GRXCR2: variants seen among roughly 807,000 people sequenced by gnomAD.
GRXCR2 encodes glutaredoxin and cysteine rich domain containing 2.
In GRXCR2, 23 loss-of-function variants were observed where a neutral mutation model predicts 24.8. That is an observed-to-expected ratio of 0.93 (90% CI 0.67 to 1.32). The LOEUF is 1.32. Ranked by LOEUF, GRXCR2 falls within the 40% of genes most tolerant of loss-of-function variation. GRXCR2 has a pLI of 0.00. For synonymous variants in GRXCR2, 130 were observed against 116.1 expected, an observed-to-expected ratio of 1.12 and a Z score of -0.77; for missense variants, 315 against 303.4, an observed-to-expected ratio of 1.04 and a Z score of -0.28.
At chr5:145,867,311 C>T (rs566189942) in intron 1 of GRXCR2, among the ~76,000 whole-genome samples, 12 of 152,100 alleles carry the variant, frequency 7.9e-5, no homozygotes, top group Non-Finnish European at 1.3e-4. Flanking sequence ...CAGAGTTACT[C>T]GGGCACTGTA....
chr5:145,871,027 T>C (rs1756522185), intron 1 of GRXCR2, among the ~76,000 whole-genome samples: 1 of 151,962 alleles, frequency 6.6e-6, no homozygotes, highest in Non-Finnish European at 1.5e-5. Context: ...GTTATGATCA[T>C]ACCACTGCAC....
rs370818249 is a variant in GRXCR2, at chr5:145,859,682, G to T, written c.*51C>A. The T allele has an allele frequency of 1.3e-6, 2 of 1,578,608 alleles. No individual in the cohort carries two copies. Among genetic ancestry groups the T allele is most frequent in the South Asian group, 2.2e-5 (2 of 90,128 alleles). On this transcript the variant is annotated 3_prime_UTR_variant, in exon 3 of 3. Transcript: ENST00000377976. ...AGGAGGAGAAGGGGGCGGTTTATTA[G>T]AAATAACTTTAGGGAGGGTAAGATA...
chr5:145,858,379 A>G (rs2149906840), downstream of GRXCR2: 1 of 151,748 alleles, frequency 6.6e-6, no homozygotes, highest in African/African-American at 2.4e-5. Context: ...TATTCTGAAA[A>G]GTCAGAAGAG....
At chr5:145,909,395 C>CTGTT (rs1408711408) in intron 2 of GRXCR2, among the ~76,000 whole-genome samples, 1 of 59,590 alleles carries the variant, frequency 1.7e-5, no homozygotes, top group African/African-American at 1.4e-4. Context: ...TCTGCTCATT[C>CTGTT]TGTTTCTCAG....
chr5:145,917,617 C>A (rs1757260065), intron 2 of GRXCR2, among the ~76,000 whole-genome samples: 1 of 152,048 alleles, frequency 6.6e-6, no homozygotes, highest in Non-Finnish European at 1.5e-5. Flanking sequence ...AGGTGTGGAG[C>A]AGGGAGCAGC....
At chr5:145,861,159 A>G (rs1450519067) in intron 2 of GRXCR2, among the ~76,000 whole-genome samples, 1 of 152,054 alleles carries the variant, frequency 6.6e-6, no homozygotes, top group African/African-American at 2.4e-5. Flanking sequence ...CCAATTGCCC[A>G]CTGACTCTGG....
intron 2 of GRXCR2, among the ~76,000 whole-genome samples, chr5:145,891,688 G>C (rs1312192208): frequency 6.6e-6 from 1 of 152,192 alleles, no homozygotes; most frequent in Non-Finnish European, 1.5e-5. Context: ...GCCTGCCTCT[G>C]TAGACTCCAC....
intron 2 of GRXCR2, among the ~76,000 whole-genome samples, chr5:145,914,979 G>A (rs1454850716): frequency 2.0e-5 from 3 of 152,162 alleles, no homozygotes; most frequent in Non-Finnish European, 4.4e-5. Context: ...GATCACCAGA[G>A]GTTCTTGGTA....
intron 2 of GRXCR2, among the ~76,000 whole-genome samples, chr5:145,918,060 G>A (rs1302244022): frequency 6.6e-6 from 1 of 152,184 alleles, no homozygotes; most frequent in Non-Finnish European, 1.5e-5. Context: ...TTATAGGCGT[G>A]AGCCACTGTG....
intron 2 of GRXCR2, among the ~76,000 whole-genome samples, chr5:145,885,404 G>A (rs748134458): frequency 5.9e-5 from 9 of 151,972 alleles, no homozygotes; most frequent in South Asian, 2.1e-4. Flanking sequence ...CAGAGTGGGC[G>A]TTTCATTGTG....
At chr5:145,901,402 C>A (rs754913136) in intron 2 of GRXCR2, among the ~76,000 whole-genome samples, 8 of 152,008 alleles carry the variant, frequency 5.3e-5, no homozygotes, top group Admixed American at 3.9e-4. Flanking sequence ...ATAAAGAATT[C>A]ATTCATTTAT....
At chr5:145,879,930 C>T (rs112051198) in intron 2 of GRXCR2, among the ~76,000 whole-genome samples, 1 of 152,116 alleles carries the variant, frequency 6.6e-6, no homozygotes, top group Admixed American at 6.5e-5. Context: ...GAACAACCTG[C>T]TCCTGAACAA....
intron 2 of GRXCR2, among the ~76,000 whole-genome samples, chr5:145,906,969 G>C (rs1452523294): frequency 1.3e-5 from 2 of 152,136 alleles, no homozygotes; most frequent in Non-Finnish European, 2.9e-5. Flanking sequence ...TTGGTGAGGG[G>C]GTCAGCCTTG....
chr5:145,924,626 A>G (rs1736775390), intron 2 of GRXCR2, among the ~76,000 whole-genome samples: 1 of 152,208 alleles, frequency 6.6e-6, no homozygotes, highest in Non-Finnish European at 1.5e-5. Context: ...TGACACGAAG[A>G]TTAAGAGCAC....
At chr5:145,881,935 C>T (rs1026693891) in intron 2 of GRXCR2, among the ~76,000 whole-genome samples, 8 of 152,096 alleles carry the variant, frequency 5.3e-5, no homozygotes. Context: ...TTCCCTATTT[C>T]ATAAATGGTG....
At position 145,872,797 on chromosome 5, in the gene GRXCR2, G is replaced by A. The variant is rs71594519; in HGVS notation, c.172C>T (p.Leu58Phe). ...CCATAAACACCATCCATTGTTTCAA[G>A]AGACTCTTGCAGAAAACTGTGAGGG... ...EYPHSFLQESLETMDGVYGSG... is the reference protein window; with the variant it reads ...EYPHSFLQESFETMDGVYGSG... The change falls in exon 1 of 3, where the codon CTT becomes TTT. Residue 58 changes from leucine to phenylalanine, a missense_variant. Leu to Phe is a conservative substitution (Grantham distance 22). Coordinates refer to ENST00000377976, the MANE Select transcript of GRXCR2 (RefSeq NM_001080516.2). The A allele has an allele frequency of 2.4e-5, 39 of 1,614,094 alleles. No individual in the cohort carries two copies. Among genetic ancestry groups the A allele is most frequent in the Non-Finnish European group, 3.1e-5 (36 of 1,180,054 alleles).
chr5:145,919,454 A>T (rs1460697059), intron 2 of GRXCR2, among the ~76,000 whole-genome samples: 2 of 152,090 alleles, frequency 1.3e-5, no homozygotes, highest in African/African-American at 2.4e-5. Context: ...CAAGCTAACA[A>T]GTGAGGAGAT....
At chr5:145,868,327 G>A (rs1756469552) in intron 1 of GRXCR2, among the ~76,000 whole-genome samples, 1 of 152,130 alleles carries the variant, frequency 6.6e-6, no homozygotes, top group Non-Finnish European at 1.5e-5. Context: ...CTAAAGTTAA[G>A]CAGTCTTGTA....
At chr5:145,899,941 A>G (rs1371292387) in intron 2 of GRXCR2, among the ~76,000 whole-genome samples, 1 of 152,306 alleles carries the variant, frequency 6.6e-6, no homozygotes, top group East Asian at 1.9e-4. Context: ...CTGAACAGCC[A>G]AAGAACCTAT....
Sources: gnomAD v4.1 joint callset for allele counts (sites outside exome capture counted in the v4.1 genomes callset) on GRCh38, gnomAD v4.1.1 for gene constraint, MANE v1.5 for transcripts, NCBI Gene and HGNC (gene_info 2026-07-23, HGNC 2026-07-21) for gene names.